The following MVB12B variants were observed in gnomAD, a reference collection of about 807,000 sequenced individuals.
MVB12B encodes the protein ESCRT-I complex subunit MVB12B.
In MVB12B, 16 loss-of-function variants were observed where a neutral mutation model predicts 41.6. The observed-to-expected ratio is 0.38, with a 90% CI of 0.26 to 0.58. The LOEUF is 0.58. Among genes scored for constraint, MVB12B ranks in the 20% least tolerant of loss-of-function variants. The pLI, the probability that MVB12B is intolerant of heterozygous loss-of-function variation, is 0.62. For synonymous variants in MVB12B, 133 were observed against 139.7 expected (o/e 0.95, Z 0.34); for missense variants, 274 against 380.2 (o/e 0.72, Z 2.32).
At chr9:126,495,320 A>C (rs1471649407) in intron 9 of MVB12B, among the ~76,000 whole-genome samples, 2 of 152,140 alleles carry the variant, frequency 1.3e-5, no homozygotes, top group African/African-American at 4.8e-5. Flanking sequence ...CTGGACACCC[A>C]GGTGCCACAG....
intron 2 of MVB12B, among the ~76,000 whole-genome samples, chr9:126,368,189 A>C (rs1830235897): frequency 6.6e-6 from 1 of 152,212 alleles, no homozygotes; most frequent in African/African-American, 2.4e-5. Flanking sequence ...TACTGTTTCC[A>C]TTTATAGAGA....
intron 7 of MVB12B, among the ~76,000 whole-genome samples, chr9:126,447,258 T>A (rs1420420278): frequency 6.6e-6 from 1 of 151,486 alleles, no homozygotes; most frequent in Non-Finnish European, 1.5e-5. Context: ...CCTTTTTTTT[T>A]TTTTTTAACT....
chr9:126,502,590 G>A (rs1185007367), intron 9 of MVB12B, among the ~76,000 whole-genome samples: 1 of 152,146 alleles, frequency 6.6e-6, no homozygotes, highest in Non-Finnish European at 1.5e-5. Context: ...GGAGTCCTCA[G>A]CAGGGGTGCC....
chr9:126,416,619 G>T (rs1588154695), intron 6 of MVB12B, among the ~76,000 whole-genome samples: 1 of 152,224 alleles, frequency 6.6e-6, no homozygotes, highest in East Asian at 1.9e-4. Context: ...GCTGAATCGG[G>T]GTAACTCTAA....
rs1791733916 is a variant in MVB12B at position 126,392,267 on chromosome 9, G to A, written c.539+72G>A. The A allele has an allele frequency of 1.9e-6, 3 of 1,566,234 alleles. No homozygotes were observed. The highest frequency in any genetic ancestry group is 1.7e-5 in the Admixed American group (1 of 57,566). ...CACTCAGGCCACTCCAGGCAATGAG[G>A]TCCAAGAGATTTCCATGCAGCCCCC... On this transcript the variant is annotated intron_variant, in intron 5 of 9. Transcript: ENST00000361171. This position sits in a 1 kb window ranked among gnomAD's most constrained non-coding sequence, Gnocchi z 4.8.
chr9:126,419,501 G>T (rs1290450587), intron 6 of MVB12B, among the ~76,000 whole-genome samples: 1 of 152,230 alleles, frequency 6.6e-6, no homozygotes, highest in Non-Finnish European at 1.5e-5. Context: ...GAGGGGCGTT[G>T]TGAGGAGCCA....
chr9:126,403,742 A>AAT (rs994569775), intron 6 of MVB12B, among the ~76,000 whole-genome samples: 1 of 152,188 alleles, frequency 6.6e-6, no homozygotes, highest in African/African-American at 2.4e-5. Context: ...CAAGATGGTA[A>AAT]AGAACTCTGA....
chr9:126,421,652 G>A (rs116434252), intron 6 of MVB12B, among the ~76,000 whole-genome samples: 148 of 152,240 alleles, frequency 9.7e-4, no homozygotes, highest in African/African-American at 3.4e-3. Flanking sequence ...TGTGGCTGCT[G>A]ATGTCTAGAA....
intron 2 of MVB12B, among the ~76,000 whole-genome samples, chr9:126,353,702 A>G (rs920002877): frequency 1.3e-5 from 2 of 152,184 alleles, no homozygotes; most frequent in Admixed American, 6.5e-5. Flanking sequence ...AAGTCTCTCC[A>G]TGTCATGACA....
intron 2 of MVB12B, among the ~76,000 whole-genome samples, chr9:126,349,162 T>G (rs1829680789): frequency 6.6e-6 from 1 of 152,060 alleles, no homozygotes. Flanking sequence ...TAGGATTGAT[T>G]AAGTTTGAAT....
intron 7 of MVB12B, among the ~76,000 whole-genome samples, chr9:126,445,392 C>T (rs962771410): frequency 2.6e-5 from 4 of 152,080 alleles, no homozygotes; most frequent in East Asian, 3.9e-4. Flanking sequence ...CTGCAACCTC[C>T]GCCTCCCGGG....
At chr9:126,331,972 T>G (rs1445743504) in intron 1 of MVB12B, among the ~76,000 whole-genome samples, 1 of 152,242 alleles carries the variant, frequency 6.6e-6, no homozygotes, top group African/African-American at 2.4e-5. Context: ...TGCTTAGATC[T>G]CAGAAACAGC....
chr9:126,483,698 T>C (rs1205533603), intron 8 of MVB12B, among the ~76,000 whole-genome samples: 2 of 152,048 alleles, frequency 1.3e-5, no homozygotes, highest in Admixed American at 6.5e-5. Context: ...GAGACCTGGA[T>C]CCCCCTGGGT....
chr9:126,361,865 G>A (rs1442013611), intron 2 of MVB12B, among the ~76,000 whole-genome samples: 3 of 144,160 alleles, frequency 2.1e-5, no homozygotes, highest in Admixed American at 1.4e-4. Flanking sequence ...AGTGAGCTGT[G>A]ATTGCGTTAC....
intron 7 of MVB12B, among the ~76,000 whole-genome samples, chr9:126,472,434 C>T (rs1450280948): frequency 1.4e-5 from 2 of 143,904 alleles, no homozygotes; most frequent in East Asian, 2.1e-4. Context: ...ACTGCTTCCC[C>T]GAGAATAGCA....
At chr9:126,493,843 G>C (rs572032011) in intron 9 of MVB12B, among the ~76,000 whole-genome samples, 4 of 152,210 alleles carry the variant, frequency 2.6e-5, no homozygotes, top group South Asian at 2.1e-4. Flanking sequence ...TATCCCTCTG[G>C]CTTCTTTTAC....
At chr9:126,490,697 G>T (rs1036483223) in intron 9 of MVB12B, among the ~76,000 whole-genome samples, 1 of 152,220 alleles carries the variant, frequency 6.6e-6, no homozygotes, top group Non-Finnish European at 1.5e-5. Context: ...ATTGACAAGG[G>T]AGGCAGTTCA....
intron 5 of MVB12B, among the ~76,000 whole-genome samples, chr9:126,393,748 A>T (rs1165134346): frequency 6.6e-6 from 1 of 152,228 alleles, no homozygotes; most frequent in Non-Finnish European, 1.5e-5. Context: ...CAGATGGTTT[A>T]CAGCCCCCTC....
chr9:126,497,132 C>G (rs1468877516), intron 9 of MVB12B, among the ~76,000 whole-genome samples: 1 of 152,180 alleles, frequency 6.6e-6, no homozygotes, highest in South Asian at 2.1e-4. Context: ...CCCAGACACA[C>G]AGGCTTCTGC....
Sources: allele counts gnomAD v4.1 joint callset (sites outside exome capture counted in the v4.1 genomes callset), GRCh38; gene constraint gnomAD v4.1.1; non-coding constraint Gnocchi (gnomAD v3.1); transcripts MANE v1.5; gene names NCBI Gene and HGNC (gene_info 2026-07-23, HGNC 2026-07-21).